Variants in PTPRG observed in about 807,000 individuals in gnomAD.
The protein encoded by PTPRG is protein tyrosine phosphatase receptor type G, also known as receptor-type tyrosine-protein phosphatase gamma.
A neutral mutation model predicts 165.3 loss-of-function variants in PTPRG; 102 were observed. The observed-to-expected ratio is 0.62, with a 90% CI of 0.53 to 0.73. The LOEUF (loss-of-function observed/expected upper bound fraction) is 0.73, where lower values mean the gene tolerates loss of function less well. Among genes scored for constraint, PTPRG ranks in the 30% least tolerant of loss-of-function variants. PTPRG has a pLI of 0.00. For synonymous variants in PTPRG, 675 were observed against 669.5 expected, an observed-to-expected ratio of 1.01 and a Z score of -0.13; for missense variants, 1,866 against 1,861.4, an observed-to-expected ratio of 1.00 and a Z score of -0.05.
At chr3:61,627,296 G>C (rs1701639693) in intron 1 of PTPRG, among the ~76,000 whole-genome samples, 1 of 152,136 alleles carries the variant, frequency 6.6e-6, no homozygotes, top group Admixed American at 6.6e-5. Context: ...GGATAATTCG[G>C]TTGGAGTAAG....
chr3:61,965,231 C>T (rs1428715397), intron 2 of PTPRG, among the ~76,000 whole-genome samples: 6 of 125,134 alleles, frequency 4.8e-5, no homozygotes, highest in East Asian at 2.5e-4. Flanking sequence ...GCAACAAGAG[C>T]GAAACTCTGT....
rs1263011370 is a variant in PTPRG at position 62,228,317 on chromosome 3, T to G, written c.2289-2908T>G. On this transcript the variant is annotated intron_variant, in intron 13 of 29. Coordinates refer to ENST00000474889, the MANE Select transcript of PTPRG (RefSeq NM_002841.4). The surrounding 1 kb of genome is among the most constrained non-coding windows in gnomAD (Gnocchi z 4.1). Reference sequence around the variant, plus strand: ...GTAGGTGGATCACGAGGTCAGGAGTTCAAGAACAGCCTGGCCAAAATGGTG... The same window carrying G: ...GTAGGTGGATCACGAGGTCAGGAGTGCAAGAACAGCCTGGCCAAAATGGTG... Among the ~76,000 whole-genome samples the G allele has an allele frequency of 6.6e-6, 1 of 151,774 alleles. No homozygotes were observed. The highest frequency in any genetic ancestry group is 1.5e-5 in the Non-Finnish European group (1 of 67,956).
At chr3:62,291,544 G>C (rs993474749) in intron 28 of PTPRG, among the ~76,000 whole-genome samples, 1 of 151,898 alleles carries the variant, frequency 6.6e-6, no homozygotes, top group Non-Finnish European at 1.5e-5. Flanking sequence ...GGTGGCTAAG[G>C]GGGACTCTGG....
chr3:62,176,617 T>C (rs1303712325), intron 8 of PTPRG, among the ~76,000 whole-genome samples: 2 of 152,120 alleles, frequency 1.3e-5, no homozygotes, highest in Non-Finnish European at 2.9e-5. Context: ...TCAGTCTTTA[T>C]CTGCTTGGCT....
At chr3:61,592,382 G>A (rs143902710) in intron 1 of PTPRG, among the ~76,000 whole-genome samples, 1 of 152,242 alleles carries the variant, frequency 6.6e-6, no homozygotes, top group African/African-American at 2.4e-5. Context: ...AAACTGCTGT[G>A]TAAGTCAATC....
chr3:61,979,629 G>C (rs574948211), intron 2 of PTPRG, among the ~76,000 whole-genome samples: 5 of 152,132 alleles, frequency 3.3e-5, no homozygotes, highest in African/African-American at 1.2e-4. Context: ...CTTACACTAT[G>C]AATTTATTGA....
rs1408932258 is a variant in PTPRG at position 61,871,137 on chromosome 3, TGTG to T, written c.191-118487_191-118485del. On this transcript the variant is annotated intron_variant, in intron 2 of 29. Coordinates refer to ENST00000474889, the MANE Select transcript of PTPRG (RefSeq NM_002841.4). Reference sequence around the variant, plus strand: ...TATGTTATGTTATGTTATGTTGTGTTGTGTTGTGTTGTGTTGTGTTGTGTTGTG... The same window carrying T: ...TATGTTATGTTATGTTATGTTGTGTTTTGTGTTGTGTTGTGTTGTGTTGTG... 3.5e-5 allele frequency among the ~76,000 whole-genome samples: 4 copies of T among 114,568 alleles called. No individual in the cohort carries two copies. The East Asian group carries it at 9.4e-4, about 27-fold the overall frequency. 75.2% of individuals were successfully genotyped at this position (114,568 alleles called of 152,430 possible). A position where few individuals can be genotyped will look rare whatever the true frequency, so the allele number is the denominator to read the frequency against.
intron 1 of PTPRG, among the ~76,000 whole-genome samples, chr3:61,618,981 AAAAAAAAAAAAAAAAAAAGTT>A (rs1701378131): frequency 1.9e-5 from 2 of 108,046 alleles, no homozygotes; most frequent in Admixed American, 1.7e-4. Flanking sequence ...GTCTCAAAAA[AAAAAAAAAAAAAAAAAAAGTT>A]AAAAACTACC....
chr3:62,006,844 A>G (rs1387185707), intron 4 of PTPRG, among the ~76,000 whole-genome samples: 3 of 152,218 alleles, frequency 2.0e-5, no homozygotes, highest in African/African-American at 7.2e-5. Context: ...GGAATCATCC[A>G]GCCCCAAAAT....
Position 61,689,186 on chromosome 3 carries a change from C to T in PTPRG, c.86-59692C>T, listed in dbSNP as rs185376722. 2.7e-3 allele frequency among the ~76,000 whole-genome samples: 416 copies of T among 152,344 alleles called. 1 individual carries two copies. The highest frequency in any genetic ancestry group is 9.4e-3 in the African/African-American group (389 of 41,570). ...GCAATTCATATTTGAAGCTGCTTAGCAAAGATCCCTAACACCAGCCAGAAG... is the reference window on the plus strand; with the variant it reads ...GCAATTCATATTTGAAGCTGCTTAGTAAAGATCCCTAACACCAGCCAGAAG... On this transcript the variant is annotated intron_variant, in intron 1 of 29. Coordinates refer to ENST00000474889, the MANE Select transcript of PTPRG (RefSeq NM_002841.4).
chr3:62,020,700 T>TTTG (rs533423189), intron 4 of PTPRG, among the ~76,000 whole-genome samples: 17 of 151,814 alleles, frequency 1.1e-4, no homozygotes, highest in South Asian at 2.1e-4. Flanking sequence ...TATTTCTGGT[T>TTTG]TTGTTGTTGT....
intron 4 of PTPRG, among the ~76,000 whole-genome samples, chr3:62,028,007 G>C (rs1461730958): frequency 6.6e-6 from 1 of 152,166 alleles, no homozygotes; most frequent in Non-Finnish European, 1.5e-5. Context: ...TGTTATGTGT[G>C]AATCAGCCCA....
At chr3:61,900,074 A>T (rs2038460050) in intron 2 of PTPRG, among the ~76,000 whole-genome samples, 1 of 152,194 alleles carries the variant, frequency 6.6e-6, no homozygotes, top group Non-Finnish European at 1.5e-5. Flanking sequence ...TTAAACACAA[A>T]TAGTCTTGTT....
chr3:62,079,548 G>T (rs1414311750), intron 5 of PTPRG, among the ~76,000 whole-genome samples: 2 of 152,200 alleles, frequency 1.3e-5, no homozygotes, highest in Non-Finnish European at 2.9e-5. Flanking sequence ...CATACTGGGT[G>T]TATGCTGGGT....
At chr3:62,282,640 T>G in intron 27 of PTPRG, 87 bp from the exon 28 acceptor site, 3 of 1,381,116 alleles carry the variant, frequency 2.2e-6, no homozygotes, top group Non-Finnish European at 2.9e-6. Context: ...CTATAACACA[T>G]GGCTTTCTCA....
chr3:62,022,512 A>G (rs975276992), intron 4 of PTPRG, among the ~76,000 whole-genome samples: 1 of 152,190 alleles, frequency 6.6e-6, no homozygotes, highest in Non-Finnish European at 1.5e-5. Context: ...TTTCAATTTA[A>G]GTAGATTACG....
intron 2 of PTPRG, among the ~76,000 whole-genome samples, chr3:61,828,041 C>T (rs1158335933): frequency 1.3e-5 from 2 of 152,096 alleles, no homozygotes; most frequent in South Asian, 2.1e-4. Flanking sequence ...GTATTATTGA[C>T]CTAAATTCCA....
rs1575501812 is a variant in PTPRG, at chr3:61,562,077, G to A, written c.-211G>A. On this transcript the variant is annotated 5_prime_UTR_variant, in exon 1 of 30. Coordinates refer to ENST00000474889, the MANE Select transcript of PTPRG (RefSeq NM_002841.4). ...CGCCGAGAGGATCGTCCCCAGCGTG[G>A]CTCTGCGTTCCCGGTCACTTTTTGA... 1.2e-5 allele frequency: 7 copies of A among 580,968 alleles called. No homozygotes were observed. The East Asian group carries it at 2.0e-4, about 17-fold the overall frequency. The allele number at this position is 580,968 out of a possible 1,614,324, so 36.0% of individuals were successfully genotyped here.
rs576366321 is a variant in PTPRG at position 61,780,996 on chromosome 3, TA to T, written c.190+32015del. 6.6e-5 allele frequency among the ~76,000 whole-genome samples: 10 copies of T among 152,354 alleles called. No individual in the cohort carries two copies. In the South Asian group the frequency reaches 2.1e-3, roughly 32 times the overall value. On this transcript the variant is annotated intron_variant, in intron 2 of 29. Coordinates refer to ENST00000474889, the MANE Select transcript of PTPRG (RefSeq NM_002841.4). ...GGGAATGGGGAGGAATTTTGGTAAT[TA>T]TGTAGCTCTTAGAGTATTTGACTTG... is the stretch of plus-strand genomic sequence containing the variant.
Sources: gnomAD v4.1 joint callset for allele counts (sites outside exome capture counted in the v4.1 genomes callset) on GRCh38, gnomAD v4.1.1 for gene constraint, Gnocchi (gnomAD v3.1) non-coding constraint, MANE v1.5 for transcripts, NCBI Gene and HGNC (gene_info 2026-07-23, HGNC 2026-07-21) for gene names.